Variants in NRG3 observed in about 807,000 individuals in gnomAD.
NRG3 encodes the protein neuregulin 3, also known as pro-neuregulin-3, membrane-bound isoform.
NRG3 carries 31 observed loss-of-function variants against 66.9 expected under a neutral mutation model. The observed-to-expected ratio is 0.46, with a 90% CI of 0.35 to 0.63. The LOEUF (loss-of-function observed/expected upper bound fraction) is 0.63, where lower values mean the gene tolerates loss of function less well. NRG3 is among the 20% of genes least tolerant of loss of function. The pLI is 0.00. For synonymous variants in NRG3, 393 were observed against 359.4 expected (o/e 1.09, Z -1.06); for missense variants, 910 against 878.9 (o/e 1.04, Z -0.45).
intron 4 of NRG3, among the ~76,000 whole-genome samples, chr10:82,908,146 A>G (rs1844938819): frequency 6.6e-6 from 1 of 152,230 alleles, no homozygotes; most frequent in Non-Finnish European, 1.5e-5. Flanking sequence ...ATTGTGGTGG[A>G]AAACCAACTC....
chr10:82,404,741 T>G (rs576133639), intron 2 of NRG3, among the ~76,000 whole-genome samples: 1 of 152,264 alleles, frequency 6.6e-6, no homozygotes, highest in South Asian at 2.1e-4. Flanking sequence ...TCTATTACAG[T>G]TAATCTTATG....
intron 1 of NRG3, among the ~76,000 whole-genome samples, chr10:82,334,468 A>G (rs1335276706): frequency 6.6e-6 from 1 of 152,220 alleles, no homozygotes; most frequent in Non-Finnish European, 1.5e-5. Flanking sequence ...AGAGACTGCA[A>G]ATAATAGCTC....
intron 2 of NRG3, among the ~76,000 whole-genome samples, chr10:82,399,213 G>T (rs1291336515): frequency 2.0e-5 from 3 of 152,088 alleles, no homozygotes; most frequent in Admixed American, 2.0e-4. Context: ...AGACCAAAAT[G>T]ACTACTGCTA....
At chr10:82,863,037 T>G (rs2064219400) in intron 3 of NRG3, among the ~76,000 whole-genome samples, 1 of 152,072 alleles carries the variant, frequency 6.6e-6, no homozygotes, top group Non-Finnish European at 1.5e-5. Flanking sequence ...CAGGCCCCAG[T>G]GTGTGATGTT....
intron 1 of NRG3, among the ~76,000 whole-genome samples, chr10:82,309,965 C>A (rs1440264140): frequency 6.6e-6 from 1 of 152,098 alleles, no homozygotes; most frequent in African/African-American, 2.4e-5. Flanking sequence ...AATATGTGGC[C>A]ATTCTATCTC....
intron 3 of NRG3, among the ~76,000 whole-genome samples, chr10:82,819,877 A>G (rs1180511111): frequency 6.6e-6 from 1 of 152,228 alleles, no homozygotes; most frequent in African/African-American, 2.4e-5. Context: ...TGCAATTTGC[A>G]AATGAGGGCA....
intron 4 of NRG3, among the ~76,000 whole-genome samples, chr10:82,942,849 A>G (rs1848689556): frequency 6.6e-6 from 1 of 152,210 alleles, no homozygotes; most frequent in African/African-American, 2.4e-5. Context: ...TGTGAAAGAC[A>G]GAGCCCATTC....
intron 1 of NRG3, among the ~76,000 whole-genome samples, chr10:82,282,876 C>CAAT (rs2079201565): frequency 1.3e-5 from 2 of 152,040 alleles, no homozygotes; most frequent in East Asian, 3.9e-4. Context: ...TCCCAGGTGA[C>CAAT]TTCTGCAAGA....
chr10:82,394,533 C>A (rs1316981956), intron 2 of NRG3, among the ~76,000 whole-genome samples: 1 of 152,034 alleles, frequency 6.6e-6, no homozygotes, highest in East Asian at 1.9e-4. Flanking sequence ...TGCTGTGGTT[C>A]CTCAAACACC....
intron 1 of NRG3, among the ~76,000 whole-genome samples, chr10:82,246,767 G>GT (rs34690697): frequency 0.12 from 17,516 of 151,420 alleles, 1,047 homozygotes; most frequent in Non-Finnish European, 0.14. Context: ...TTTAGAAGGA[G>GT]TTTTTTTTTC....
intron 1 of NRG3, among the ~76,000 whole-genome samples, chr10:82,098,913 G>A (rs374609761): frequency 4.6e-5 from 7 of 151,928 alleles, no homozygotes; most frequent in East Asian, 1.9e-4. Context: ...GCAGGTGCCC[G>A]CCACCATGCC....
rs367649220 is a variant in NRG3 at position 81,875,886 on chromosome 10, C to T, written c.546C>T (p.Thr182=). The change falls in exon 1 of 9, where the codon ACC becomes ACT. Residue 182 remains threonine, a synonymous_variant. Transcript: ENST00000372141. This position sits in a 1 kb window ranked among gnomAD's most constrained non-coding sequence, Gnocchi z 5.3. ...RVPIRASPRS[T]TARNTAAPAT... ...CCATCCGGGCCAGCCCGCGCTCCAC[C>T]ACAGCACGGAACACTGCGGCCCCTG... 1.6e-5 allele frequency: 25 copies of T among 1,611,918 alleles called. No individual in the cohort carries two copies. Among genetic ancestry groups the T allele is most frequent in the East Asian group, 2.2e-5 (1 of 44,864 alleles).
intron 6 of NRG3, among the ~76,000 whole-genome samples, chr10:82,970,382 C>G (rs1851611805): frequency 6.6e-6 from 1 of 152,156 alleles, no homozygotes; most frequent in African/African-American, 2.4e-5. Context: ...ACACTACAGT[C>G]TCTAACTCCT....
At chr10:82,701,164 G>C (rs187375795) in intron 2 of NRG3, among the ~76,000 whole-genome samples, 1 of 152,018 alleles carries the variant, frequency 6.6e-6, no homozygotes, top group African/African-American at 2.4e-5. Context: ...TTAACCACTA[G>C]AAAGCAAGCT....
intron 1 of NRG3, among the ~76,000 whole-genome samples, chr10:82,335,385 C>A (rs74801724): frequency 6.6e-6 from 1 of 151,992 alleles, no homozygotes; most frequent in Non-Finnish European, 1.5e-5. Context: ...TCCTACTAAA[C>A]GAGGTAATGT....
intron 3 of NRG3, among the ~76,000 whole-genome samples, chr10:82,751,684 A>T (rs1478266860): frequency 6.6e-6 from 1 of 152,162 alleles, no homozygotes; most frequent in African/African-American, 2.4e-5. Flanking sequence ...TCATTTTTGA[A>T]CTATGTAAAT....
chr10:82,964,731 A>G (rs1851036957), intron 6 of NRG3, among the ~76,000 whole-genome samples: 1 of 152,204 alleles, frequency 6.6e-6, no homozygotes. Context: ...AGAGAAAGAC[A>G]TTTAAAACTG....
intron 1 of NRG3, among the ~76,000 whole-genome samples, chr10:82,190,414 T>C (rs930361688): frequency 4.6e-5 from 7 of 152,212 alleles, no homozygotes; most frequent in Admixed American, 1.3e-4. Flanking sequence ...CTCTTAATTA[T>C]TTTATAAAAT....
chr10:82,652,374 T>G (rs2051492497), intron 2 of NRG3, among the ~76,000 whole-genome samples: 3 of 152,046 alleles, frequency 2.0e-5, no homozygotes, highest in African/African-American at 7.2e-5. Context: ...ATGAGGGGGA[T>G]TTTATTGCCA....
Sources: allele counts gnomAD v4.1 joint callset (sites outside exome capture counted in the v4.1 genomes callset), GRCh38; gene constraint gnomAD v4.1.1; non-coding constraint Gnocchi (gnomAD v3.1); transcripts MANE v1.5; gene names NCBI Gene and HGNC (gene_info 2026-07-23, HGNC 2026-07-21).